ORC5: variants seen among roughly 807,000 people sequenced by gnomAD.
ORC5 encodes the protein protein phosphatase 1, regulatory subunit 117.
A neutral mutation model predicts 58.8 loss-of-function variants in ORC5; 39 were observed. That is an observed-to-expected ratio of 0.66 (90% confidence interval 0.51 to 0.87). The LOEUF is 0.87. Ranked by LOEUF, ORC5 falls within the 40% of genes least tolerant of loss-of-function variation. ORC5 has a pLI of 0.00. For missense variants in ORC5, 493 were observed against 506.3 expected (o/e 0.97, Z 0.25); for synonymous variants, 218 against 177.6 (o/e 1.23, Z -1.81).
At chr7:104,175,376 G>T (rs1799301233) in intron 8 of ORC5, among the ~76,000 whole-genome samples, 1 of 151,984 alleles carries the variant, frequency 6.6e-6, no homozygotes, top group Non-Finnish European at 1.5e-5. Context: ...AACTTTTTCT[G>T]CTGGTATTGA....
chr7:104,188,511 A>G (rs1474427097), intron 5 of ORC5, 130 bp from the exon 6 acceptor site: 1 of 587,472 alleles, frequency 1.7e-6, no homozygotes, highest in Non-Finnish European at 2.9e-6. Flanking sequence ...TAATAAAACT[A>G]TTACAAGATT....
chr7:104,160,315 G>A (rs1396537939), intron 12 of ORC5, among the ~76,000 whole-genome samples: 2 of 152,050 alleles, frequency 1.3e-5, no homozygotes, highest in Non-Finnish European at 2.9e-5. Flanking sequence ...TAAAACGCAG[G>A]CATTATTTAC....
intron 12 of ORC5, among the ~76,000 whole-genome samples, chr7:104,137,116 T>G (rs1562803111): frequency 6.6e-6 from 1 of 151,302 alleles, no homozygotes; most frequent in Admixed American, 6.6e-5. Flanking sequence ...TTTTTTTTTT[T>G]CTTAGAGATA....
intron 12 of ORC5, among the ~76,000 whole-genome samples, chr7:104,139,900 G>C (rs1798645839): frequency 6.6e-6 from 1 of 151,754 alleles, no homozygotes; most frequent in Non-Finnish European, 1.5e-5. Context: ...AACTGAGAGA[G>C]GTATTAAAAT....
chr7:104,135,269 C>CT (rs1242623024), intron 13 of ORC5, among the ~76,000 whole-genome samples: 2 of 152,116 alleles, frequency 1.3e-5, no homozygotes, highest in Non-Finnish European at 2.9e-5. Flanking sequence ...AATATAATTG[C>CT]TTTTTTAAAG....
chr7:104,199,667 G>A (rs35034355), intron 3 of ORC5, among the ~76,000 whole-genome samples: 58,782 of 152,126 alleles, frequency 0.39, 13,221 homozygotes, highest in Non-Finnish European at 0.52. Context: ...AGGCTCATAG[G>A]TGGAAGGGAC....
chr7:104,195,610 T>C (rs1323200797), intron 4 of ORC5, among the ~76,000 whole-genome samples: 2 of 152,134 alleles, frequency 1.3e-5, no homozygotes, highest in Non-Finnish European at 2.9e-5. Context: ...AGGCTGGTCT[T>C]GAACTCCTGG....
Position 104,138,236 on chromosome 7 carries a change from C to T in ORC5, c.1150-1343G>A, listed in dbSNP as rs937927878. ...AACAACTGATTCAAACAATCAGTCC[C>T]TAAGAATTCCACTAGAGACAGCTTT... On this transcript the variant is annotated intron_variant, in intron 12 of 13. Transcript: ENST00000297431. This position sits in a 1 kb window ranked among gnomAD's most constrained non-coding sequence, Gnocchi z 4.7. Among the ~76,000 whole-genome samples the T allele has an allele frequency of 3.3e-5, 5 of 152,206 alleles. No individual in the cohort carries two copies. Among genetic ancestry groups the T allele is most frequent in the Non-Finnish European group, 5.9e-5 (4 of 68,028 alleles).
intron 2 of ORC5, 110 bp downstream of exon 2, chr7:104,204,032 G>GT (rs1800011699): frequency 1.8e-6 from 1 of 546,192 alleles, no homozygotes; most frequent in Non-Finnish European, 3.3e-6. Flanking sequence ...GGGAAGGAGA[G>GT]TAATGTAAAG....
Position 104,208,013 on chromosome 7 carries a change from C to G in ORC5, c.-109G>C. ...CCACGCTCCCGCCGGAAACCGGACC[C>G]GCAGCGTCGTGGGAGGAGCCTGCGC... On this transcript the variant is annotated 5_prime_UTR_variant, in exon 1 of 14. Transcript: ENST00000297431. 9.4e-7 allele frequency: 1 copy of G among 1,063,776 alleles called. No individual in the cohort carries two copies. The highest frequency in any genetic ancestry group is 1.4e-6 in the Non-Finnish European group (1 of 705,888). The allele number at this position is 1,063,776 out of a possible 1,614,324, so 65.9% of individuals were successfully genotyped here. A position where few individuals can be genotyped will look rare whatever the true frequency, so the allele number is the denominator to read the frequency against.
chr7:104,131,914 A>G (rs1327495312), intron 13 of ORC5, among the ~76,000 whole-genome samples: 6 of 152,134 alleles, frequency 3.9e-5, no homozygotes, highest in Non-Finnish European at 8.8e-5. Flanking sequence ...TAGCAAATAA[A>G]TAAGTAAATA....
chr7:104,186,021 C>A (rs963192784), intron 6 of ORC5, among the ~76,000 whole-genome samples: 1 of 151,884 alleles, frequency 6.6e-6, no homozygotes, highest in Non-Finnish European at 1.5e-5. Context: ...GAAGAAGAAT[C>A]AAAAAGAAAT....
At chr7:104,157,705 T>C (rs916379672) in intron 12 of ORC5, among the ~76,000 whole-genome samples, 25 of 152,066 alleles carry the variant, frequency 1.6e-4, no homozygotes, top group Admixed American at 1.2e-3. Flanking sequence ...GAGGATAAAA[T>C]TGCTGAAGAG....
chr7:104,151,566 T>C (rs1196353152), intron 12 of ORC5, among the ~76,000 whole-genome samples: 1 of 152,174 alleles, frequency 6.6e-6, no homozygotes, highest in African/African-American at 2.4e-5. Context: ...GGCAGGTGCT[T>C]AGTAATGGAT....
chr7:104,138,687 T>A lies in ORC5; in HGVS notation c.1150-1794A>T, dbSNP rs194852. ...CACCACACCCAGCTAATTTTTTGTA[T>A]TTTTTGTAGACATGGGGTTTTGCCA... On this transcript the variant is annotated intron_variant, in intron 12 of 13. Transcript: ENST00000297431. This position sits in a 1 kb window ranked among gnomAD's most constrained non-coding sequence, Gnocchi z 4.7. 0.32 allele frequency among the ~76,000 whole-genome samples: 48,919 copies of A among 151,800 alleles called. 8,662 individuals are homozygous for A. The highest frequency in any genetic ancestry group is 0.52 in the East Asian group (2,670 of 5,124).
At chr7:104,163,485 TTTTG>T (rs1250729043) in intron 11 of ORC5, among the ~76,000 whole-genome samples, 10 of 152,102 alleles carry the variant, frequency 6.6e-5, no homozygotes, top group African/African-American at 1.7e-4. Flanking sequence ...GGGGGTTTTG[TTTTG>T]TTTGTTTGTC....
chr7:104,161,116 T>C lies in ORC5; in HGVS notation c.1105A>G (p.Ile369Val). 1 of 1,609,936 alleles carries C rather than the reference T, an allele frequency of 6.2e-7. No individual in the cohort carries two copies. Among genetic ancestry groups the C allele is most frequent in the South Asian group, 1.1e-5 (1 of 90,954 alleles). Residue 369 changes from isoleucine to valine, a missense_variant, in exon 12 of 14, where the codon ATC becomes GTC. This residue lies in a region of ORC5 where 77 missense variants were observed against 86.1 expected (regional missense o/e 0.89). Coordinates refer to ENST00000297431, the MANE Select transcript of ORC5 (RefSeq NM_002553.4). Reference sequence around the variant, plus strand: ...GTTGGAGCAACTCTGCTGTCCACGATACTATATAATATTGCTAATAATCTG... The same window carrying C: ...GTTGGAGCAACTCTGCTGTCCACGACACTATATAATATTGCTAATAATCTG... ...LDRLLAILYS[I>V]VDSRVAPTAN... is the part of the protein sequence containing the mutation.
chr7:104,169,123 A>G (rs986439984), intron 8 of ORC5, among the ~76,000 whole-genome samples: 6 of 152,002 alleles, frequency 3.9e-5, no homozygotes, highest in African/African-American at 1.5e-4. Context: ...ACTACCACCT[A>G]CCACTCGGTA....
At chr7:104,180,147 T>C (rs1799404324) in intron 8 of ORC5, among the ~76,000 whole-genome samples, 1 of 152,200 alleles carries the variant, frequency 6.6e-6, no homozygotes, top group Non-Finnish European at 1.5e-5. Flanking sequence ...ACACTCATAG[T>C]GTGTTCTCAC....
Sources: gnomAD v4.1 joint callset for allele counts (sites outside exome capture counted in the v4.1 genomes callset) on GRCh38, gnomAD v4.1.1 for gene constraint, gnomAD v4.1.1 regional missense constraint, Gnocchi (gnomAD v3.1) non-coding constraint, MANE v1.5 for transcripts, NCBI Gene and HGNC (gene_info 2026-07-23, HGNC 2026-07-21) for gene names.